The following SKAP1 variants were observed in gnomAD, a reference collection of about 807,000 sequenced individuals.
SKAP1 encodes src kinase associated phosphoprotein 1.
SKAP1 carries 44 observed loss-of-function variants against 58.5 expected under a neutral mutation model. The observed-to-expected ratio is 0.75, with a 90% confidence interval of 0.59 to 0.97. The LOEUF is 0.97. Among genes scored for constraint, SKAP1 ranks in the 50% least tolerant of loss-of-function variants. SKAP1 has a pLI of 0.00. For missense variants in SKAP1, 390 were observed against 435.2 expected (o/e 0.90, Z 0.92); for synonymous variants, 127 against 149.7 (o/e 0.85, Z 1.11).
intron 4 of SKAP1, among the ~76,000 whole-genome samples, chr17:48,272,257 G>A (rs1012870947): frequency 3.3e-5 from 5 of 151,244 alleles, no homozygotes; most frequent in African/African-American, 4.9e-5. Flanking sequence ...TCAGCCTCCC[G>A]AGTAGCTGGG....
chr17:48,278,694 T>C (rs1308617442), intron 4 of SKAP1, among the ~76,000 whole-genome samples: 1 of 152,066 alleles, frequency 6.6e-6, no homozygotes, highest in African/African-American at 2.4e-5. Flanking sequence ...CGATGAAGAA[T>C]TGATAGCATC....
chr17:48,381,404 C>T (rs917725099), intron 2 of SKAP1, among the ~76,000 whole-genome samples: 2 of 152,208 alleles, frequency 1.3e-5, no homozygotes, highest in African/African-American at 4.8e-5. Context: ...TGTCTTAGCA[C>T]ATGGTATTTC....
intron 1 of SKAP1, among the ~76,000 whole-genome samples, chr17:48,423,690 G>A (rs2067821804): frequency 6.6e-6 from 1 of 152,152 alleles, no homozygotes; most frequent in Non-Finnish European, 1.5e-5. Context: ...AGATAAAATA[G>A]CGTTCAAGGA....
At chr17:48,273,443 G>A (rs1170039048) in intron 4 of SKAP1, among the ~76,000 whole-genome samples, 5 of 148,490 alleles carry the variant, frequency 3.4e-5, no homozygotes, top group African/African-American at 1.2e-4. Context: ...TTTCTTTTGA[G>A]ATGGAGCTTG....
chr17:48,187,780 G>C (rs2064478232), intron 6 of SKAP1, 63 bp downstream of exon 6: 1 of 1,181,642 alleles, frequency 8.5e-7, no homozygotes, highest in Non-Finnish European at 1.3e-6. Context: ...CTAAGTGCTT[G>C]AGAATTTACG....
chr17:48,155,682 T>C (rs751816793), intron 11 of SKAP1, among the ~76,000 whole-genome samples: 10 of 151,632 alleles, frequency 6.6e-5, no homozygotes, highest in Non-Finnish European at 1.3e-4. Flanking sequence ...TATGGCAAAA[T>C]CCCGTCTCTA....
intron 4 of SKAP1, among the ~76,000 whole-genome samples, chr17:48,262,250 G>T (rs2123344): frequency 6.6e-6 from 1 of 151,882 alleles, no homozygotes; most frequent in Non-Finnish European, 1.5e-5. Context: ...GTCCAAGTTC[G>T]GCCTCAAACC....
intron 2 of SKAP1, among the ~76,000 whole-genome samples, chr17:48,364,806 C>T (rs2066982081): frequency 6.6e-6 from 1 of 152,216 alleles, no homozygotes; most frequent in Non-Finnish European, 1.5e-5. Context: ...GGGGCTCTTG[C>T]AGTTCATTGT....
chr17:48,208,623 G>A (rs909665747), intron 4 of SKAP1, among the ~76,000 whole-genome samples: 1 of 152,098 alleles, frequency 6.6e-6, no homozygotes, highest in African/African-American at 2.4e-5. Flanking sequence ...TAAACAATTA[G>A]GGGAGGCTGC....
intron 4 of SKAP1, among the ~76,000 whole-genome samples, chr17:48,283,033 G>C (rs949284737): frequency 1.3e-5 from 2 of 152,142 alleles, no homozygotes; most frequent in Non-Finnish European, 2.9e-5. Context: ...GTTTGGGAGA[G>C]TCAAACTCTT....
chr17:48,165,370 TTTC>T (rs1250335293), intron 10 of SKAP1, among the ~76,000 whole-genome samples: 1 of 134,682 alleles, frequency 7.4e-6, no homozygotes, highest in Admixed American at 8.4e-5. Flanking sequence ...GAGACTTTGC[TTTC>T]TTTTCTTTTC....
chr17:48,414,359 TG>T (rs1044640498), intron 1 of SKAP1, among the ~76,000 whole-genome samples: 167 of 152,224 alleles, frequency 1.1e-3, no homozygotes, highest in African/African-American at 3.9e-3. Flanking sequence ...GGCCCAGGCA[TG>T]GGAACATCAT....
At chr17:48,269,127 C>T (rs1026953662) in intron 4 of SKAP1, among the ~76,000 whole-genome samples, 2 of 151,982 alleles carry the variant, frequency 1.3e-5, no homozygotes, top group Non-Finnish European at 2.9e-5. Context: ...GGAACAAGAT[C>T]AATTTAGATT....
chr17:48,361,138 C>T (rs1393813590), intron 3 of SKAP1, among the ~76,000 whole-genome samples: 1 of 147,588 alleles, frequency 6.8e-6, no homozygotes, highest in African/African-American at 2.5e-5. Flanking sequence ...ACACCACTAA[C>T]TTGTACCTTT....
intron 11 of SKAP1, among the ~76,000 whole-genome samples, chr17:48,140,857 G>A (rs2143033690): frequency 6.6e-6 from 1 of 150,716 alleles, no homozygotes; most frequent in Middle Eastern, 3.4e-3. Flanking sequence ...CATGATCTCG[G>A]CTGACCACGA....
intron 4 of SKAP1, among the ~76,000 whole-genome samples, chr17:48,255,192 T>C (rs1354282880): frequency 2.6e-5 from 4 of 152,082 alleles, no homozygotes; most frequent in African/African-American, 9.6e-5. Context: ...TTGTTTTTAA[T>C]TAACAGAATA....
chr17:48,256,414 A>T (rs2065424448), intron 4 of SKAP1, among the ~76,000 whole-genome samples: 1 of 152,266 alleles, frequency 6.6e-6, no homozygotes, highest in Admixed American at 6.5e-5. Context: ...GCCAAAAGAT[A>T]CTTTTAAATA....
intron 12 of SKAP1, among the ~76,000 whole-genome samples, chr17:48,134,560 C>T (rs946014546): frequency 6.6e-6 from 1 of 152,008 alleles, no homozygotes. Context: ...TCGTTATCTG[C>T]TCCCCTTGGC....
intron 1 of SKAP1, among the ~76,000 whole-genome samples, chr17:48,409,834 A>G (rs2067638833): frequency 6.6e-6 from 1 of 152,172 alleles, no homozygotes; most frequent in African/African-American, 2.4e-5. Flanking sequence ...GTTGAAACCT[A>G]TAGAACTTTA....
Sources: allele counts gnomAD v4.1 joint callset (sites outside exome capture counted in the v4.1 genomes callset), GRCh38; gene constraint gnomAD v4.1.1; transcripts MANE v1.5; gene names NCBI Gene and HGNC (gene_info 2026-07-23, HGNC 2026-07-21).